Variants in MAGI2 observed in about 807,000 individuals in gnomAD.
The protein encoded by MAGI2 is membrane associated guanylate kinase, WW and PDZ domain containing 2, also known as membrane-associated guanylate kinase, WW and PDZ domain-containing protein 2.
Under a neutral mutation model 133.3 loss-of-function variants are expected in MAGI2, and 35 were observed. The ratio of observed to expected loss-of-function variants is 0.26; its 90% CI spans 0.20 to 0.35. MAGI2 has a LOEUF of 0.35. MAGI2 is among the 10% of genes least tolerant of loss of function. MAGI2 has a pLI of 1.00. For missense variants in MAGI2, 1,636 were observed against 1,863.4 expected, an observed-to-expected ratio of 0.88 and a Z score of 2.25; for synonymous variants, 729 against 710.6, an observed-to-expected ratio of 1.03 and a Z score of -0.41.
intron 6 of MAGI2, among the ~76,000 whole-genome samples, chr7:78,428,807 G>A (rs907329080): frequency 1.3e-5 from 2 of 152,284 alleles, no homozygotes; most frequent in African/African-American, 4.8e-5. Flanking sequence ...ACTCACCAAT[G>A]CTATAGGTCG....
At chr7:78,083,395 A>G (rs1360524995) in intron 20 of MAGI2, among the ~76,000 whole-genome samples, 2 of 37,988 alleles carry the variant, frequency 5.3e-5, no homozygotes, top group Non-Finnish European at 1.0e-4. Flanking sequence ...GGGGAGAGAG[A>G]GAGAGAGAGA....
At chr7:78,363,566 C>T (rs1448817296) in intron 7 of MAGI2, among the ~76,000 whole-genome samples, 2 of 151,182 alleles carry the variant, frequency 1.3e-5, no homozygotes, top group Non-Finnish European at 2.9e-5. Flanking sequence ...TTCATTGTGG[C>T]ATACTCTGGC....
chr7:79,333,006 C>T (rs184846496), intron 1 of MAGI2, among the ~76,000 whole-genome samples: 4 of 152,230 alleles, frequency 2.6e-5, no homozygotes, highest in Admixed American at 6.5e-5. Context: ...GGCAGGCTGA[C>T]GAAAAGATAC....
At chr7:78,505,215 T>C (rs956438412) in intron 4 of MAGI2, among the ~76,000 whole-genome samples, 1 of 152,130 alleles carries the variant, frequency 6.6e-6, no homozygotes, top group African/African-American at 2.4e-5. Flanking sequence ...ATTTTTCCCC[T>C]CTCTGCATCA....
intron 1 of MAGI2, among the ~76,000 whole-genome samples, chr7:79,053,337 A>G (rs1043244653): frequency 6.6e-6 from 1 of 152,030 alleles, no homozygotes; most frequent in Non-Finnish European, 1.5e-5. Context: ...TAAGACTTAC[A>G]TAAACAAGGG....
At chr7:79,257,372 A>G (rs1833765914) in intron 1 of MAGI2, among the ~76,000 whole-genome samples, 1 of 152,214 alleles carries the variant, frequency 6.6e-6, no homozygotes, top group South Asian at 2.1e-4. Context: ...AAGAGTGACA[A>G]AAGCAAAAAA....
intron 12 of MAGI2, among the ~76,000 whole-genome samples, chr7:78,194,553 G>A (rs1057005209): frequency 2.6e-5 from 4 of 152,036 alleles, no homozygotes; most frequent in Middle Eastern, 3.4e-3. Context: ...TAAAAAAAAA[G>A]CCAAACACTT....
intron 2 of MAGI2, among the ~76,000 whole-genome samples, chr7:78,721,974 A>G (rs1426343745): frequency 2.6e-5 from 4 of 151,838 alleles, no homozygotes. Flanking sequence ...ATCTATTATT[A>G]CTTTTAGTGA....
At chr7:78,226,881 G>A (rs774568108) in intron 10 of MAGI2, among the ~76,000 whole-genome samples, 1 of 152,200 alleles carries the variant, frequency 6.6e-6, no homozygotes, top group Non-Finnish European at 1.5e-5. Flanking sequence ...AGGCTGAGGG[G>A]ACCATGGAAA....
Position 78,041,018 on chromosome 7 carries a change from G to A in MAGI2, c.3707-21042C>T, listed in dbSNP as rs114145257. ...GTTGAATGCTCGTGGCGTGTTGATG[G>A]GGAAAGATTGAAACTAACTCAGGCT... On this transcript the variant is annotated intron_variant, in intron 21 of 21. Transcript: ENST00000354212. Among the ~76,000 whole-genome samples the A allele has an allele frequency of 5.6e-3, 849 of 152,212 alleles. 6 individuals carry two copies. Among genetic ancestry groups the A allele is most frequent in the African/African-American group, 0.019 (770 of 41,528 alleles).
chr7:78,529,677 T>TTTTTG, intron 3 of MAGI2, among the ~76,000 whole-genome samples: 1 of 58,996 alleles, frequency 1.7e-5, no homozygotes, highest in Admixed American at 1.6e-4. Context: ...GGTTTTTTTT[T>TTTTTG]TTTTTTTTTT....
intron 2 of MAGI2, among the ~76,000 whole-genome samples, chr7:78,727,684 T>C (rs1820951733): frequency 6.6e-6 from 1 of 152,214 alleles, no homozygotes. Context: ...TAACACTTGG[T>C]CAAACGCTAT....
chr7:78,969,909 A>G (rs1292081997), intron 2 of MAGI2, among the ~76,000 whole-genome samples: 1 of 152,052 alleles, frequency 6.6e-6, no homozygotes, highest in East Asian at 1.9e-4. Flanking sequence ...TTTGTGTATG[A>G]ATACCAATAT....
chr7:79,260,377 TAC>T (rs1833989443), intron 1 of MAGI2, among the ~76,000 whole-genome samples: 1 of 23,154 alleles, frequency 4.3e-5, no homozygotes, highest in Non-Finnish European at 1.7e-4. Context: ...CATACATACA[TAC>T]ATACATACAT....
chr7:78,565,874 G>A (rs1293053876), intron 3 of MAGI2, among the ~76,000 whole-genome samples: 1 of 152,142 alleles, frequency 6.6e-6, no homozygotes, highest in African/African-American at 2.4e-5. Context: ...ACCTGAAAAT[G>A]GCAATAATTT....
intron 16 of MAGI2, among the ~76,000 whole-genome samples, chr7:78,157,283 A>G (rs1032350467): frequency 2.6e-5 from 4 of 152,224 alleles, no homozygotes; most frequent in African/African-American, 9.6e-5. Flanking sequence ...GCCATGAAGC[A>G]TCATGAACTG....
intron 1 of MAGI2, among the ~76,000 whole-genome samples, chr7:79,171,768 ATATTTTT>A (rs199678685): frequency 0.045 from 936 of 20,874 alleles, 44 homozygotes; most frequent in East Asian, 0.17. Context: ...ATATATATAT[ATATTTTT>A]TTTTTTTTTT....
At chr7:78,643,690 G>A (rs1810538095) in intron 2 of MAGI2, among the ~76,000 whole-genome samples, 1 of 152,040 alleles carries the variant, frequency 6.6e-6, no homozygotes, top group East Asian at 1.9e-4. Flanking sequence ...TAAAGTAAAA[G>A]TAATAACAAT....
intron 2 of MAGI2, among the ~76,000 whole-genome samples, chr7:78,723,828 G>C (rs73150791): frequency 3.9e-5 from 6 of 152,124 alleles, no homozygotes; most frequent in Admixed American, 6.5e-5. Flanking sequence ...AGTATAGGGA[G>C]ATAGATGTTG....
Sources: gnomAD v4.1 joint callset for allele counts (sites outside exome capture counted in the v4.1 genomes callset) on GRCh38, gnomAD v4.1.1 for gene constraint, MANE v1.5 for transcripts, NCBI Gene and HGNC (gene_info 2026-07-23, HGNC 2026-07-21) for gene names.